PDE4B: variants seen among roughly 807,000 people sequenced by gnomAD.
The protein encoded by PDE4B is 3',5'-cyclic-AMP phosphodiesterase 4B.
PDE4B carries 20 observed loss-of-function variants against 82.2 expected under a neutral mutation model. The ratio of observed to expected loss-of-function variants is 0.24; its 90% CI spans 0.17 to 0.35. The LOEUF is 0.35. Among genes scored for constraint, PDE4B ranks in the 10% least tolerant of loss-of-function variants. The probability of loss-of-function intolerance (pLI) is 1.00; values close to 1 mark genes in which losing one functional copy is unlikely to be tolerated. For synonymous variants in PDE4B, 320 were observed against 318.9 expected (o/e 1.00, Z -0.04); for missense variants, 655 against 907.2 (o/e 0.72, Z 3.57).
Position 65,793,148 on chromosome 1 carries a change from C to T in PDE4B, c.-171C>T, listed in dbSNP as rs1186815218. The T allele has an allele frequency of 6.6e-6, 1 of 152,170 alleles. No individual in the cohort carries two copies. Among genetic ancestry groups the T allele is most frequent in the African/African-American group, 2.4e-5 (1 of 41,454 alleles). The allele number at this position is 152,170 out of a possible 1,614,324, so 9.4% of individuals were successfully genotyped here. Reference sequence around the variant, plus strand: ...GCTCACTCGCAGCGCATGGTCTACCCGCGCCGGGCGGAGCCCCGGCGTCCA... The same window carrying T: ...GCTCACTCGCAGCGCATGGTCTACCTGCGCCGGGCGGAGCCCCGGCGTCCA... On this transcript the variant is annotated 5_prime_UTR_variant, in exon 1 of 17. Coordinates refer to ENST00000341517, the MANE Select transcript of PDE4B (RefSeq NM_002600.4).
intron 7 of PDE4B, among the ~76,000 whole-genome samples, chr1:66,272,504 C>G (rs1034877841): frequency 6.6e-6 from 1 of 152,154 alleles, no homozygotes; most frequent in Non-Finnish European, 1.5e-5. Context: ...CATCTGGAGA[C>G]CCAAATTCAT....
chr1:66,315,393 A>G (rs987526341), intron 7 of PDE4B, among the ~76,000 whole-genome samples: 1 of 152,208 alleles, frequency 6.6e-6, no homozygotes, highest in Non-Finnish European at 1.5e-5. Flanking sequence ...AGGTTAATGC[A>G]TCTAATTTCA....
intron 3 of PDE4B, among the ~76,000 whole-genome samples, chr1:66,140,142 T>C (rs985379291): frequency 2.0e-5 from 3 of 152,150 alleles, no homozygotes; most frequent in Non-Finnish European, 4.4e-5. Context: ...CTGTTCTTGA[T>C]GCTTGTTTTA....
At chr1:66,346,604 T>A (rs1661412995) in intron 8 of PDE4B, among the ~76,000 whole-genome samples, 1 of 152,190 alleles carries the variant, frequency 6.6e-6, no homozygotes, top group Admixed American at 6.5e-5. Flanking sequence ...GAGTAACTCA[T>A]GTGTCACATA....
chr1:66,190,715 G>T (rs890132266), intron 3 of PDE4B, among the ~76,000 whole-genome samples: 23 of 152,156 alleles, frequency 1.5e-4, no homozygotes, highest in African/African-American at 4.8e-4. Flanking sequence ...GGAGTGACCT[G>T]ATTTTCCAGG....
intron 3 of PDE4B, among the ~76,000 whole-genome samples, chr1:66,193,218 A>G (rs1316705466): frequency 6.6e-6 from 1 of 152,142 alleles, no homozygotes; most frequent in East Asian, 1.9e-4. Context: ...TATATTTTGA[A>G]ACTAATTTTT....
intron 3 of PDE4B, among the ~76,000 whole-genome samples, chr1:66,228,345 G>T (rs748819157): frequency 6.6e-6 from 1 of 152,144 alleles, no homozygotes; most frequent in Non-Finnish European, 1.5e-5. Context: ...ATGCATTAGG[G>T]TTGTCTCTAG....
At chr1:66,331,513 G>C (rs894552372) in intron 7 of PDE4B, among the ~76,000 whole-genome samples, 1 of 152,074 alleles carries the variant, frequency 6.6e-6, no homozygotes, top group Non-Finnish European at 1.5e-5. Flanking sequence ...ACATGTTAAG[G>C]ATATGTAAAA....
At chr1:66,092,650 G>A (rs908652324) in intron 3 of PDE4B, among the ~76,000 whole-genome samples, 5 of 152,034 alleles carry the variant, frequency 3.3e-5, no homozygotes, top group African/African-American at 1.2e-4. Context: ...ATTAAGCCAC[G>A]AGTTTAACAA....
chr1:65,860,068 A>G (rs949824049), intron 1 of PDE4B, among the ~76,000 whole-genome samples: 1 of 152,208 alleles, frequency 6.6e-6, no homozygotes, highest in Non-Finnish European at 1.5e-5. Context: ...TCTTGGATAC[A>G]TGTGCAGAAC....
intron 3 of PDE4B, among the ~76,000 whole-genome samples, chr1:66,236,358 A>G (rs1165311340): frequency 6.6e-6 from 1 of 152,142 alleles, no homozygotes; most frequent in African/African-American, 2.4e-5. Context: ...TACATATGTC[A>G]TGAACTTCAC....
At chr1:65,933,567 G>A (rs572785423) in intron 3 of PDE4B, among the ~76,000 whole-genome samples, 27 of 152,062 alleles carry the variant, frequency 1.8e-4, no homozygotes, top group African/African-American at 5.1e-4. Flanking sequence ...GGTGGCAGGC[G>A]CCTATAATCC....
chr1:66,330,981 T>C (rs1660063490), intron 7 of PDE4B: 1 of 156,448 alleles, frequency 6.4e-6, no homozygotes, highest in Non-Finnish European at 1.4e-5. Context: ...TACAGGATAT[T>C]GAATTTAACC....
chr1:66,361,977 G>A (rs1020442254), intron 10 of PDE4B, among the ~76,000 whole-genome samples, 184 bp downstream of exon 10: 1 of 152,152 alleles, frequency 6.6e-6, no homozygotes, highest in African/African-American at 2.4e-5. Context: ...ATTTGAGGAA[G>A]GTTGATTGAA....
At chr1:66,370,798 T>C (rs897321566) in intron 16 of PDE4B, among the ~76,000 whole-genome samples, 1 of 152,082 alleles carries the variant, frequency 6.6e-6, no homozygotes, top group Non-Finnish European at 1.5e-5. Flanking sequence ...CTTGAGCTTG[T>C]TATTTTGGGT....
chr1:66,354,805 T>C (rs1557722474), intron 8 of PDE4B: 1 of 1,535,250 alleles, frequency 6.5e-7, no homozygotes, highest in African/African-American at 1.4e-5. Flanking sequence ...TGTGAATTCT[T>C]TCAAAGGGAT....
At chr1:65,930,234 C>T (rs963597429) in intron 3 of PDE4B, among the ~76,000 whole-genome samples, 7 of 152,198 alleles carry the variant, frequency 4.6e-5, no homozygotes, top group Non-Finnish European at 7.3e-5. Context: ...ATTGTGCCCA[C>T]CAGATTAAGG....
intron 3 of PDE4B, among the ~76,000 whole-genome samples, chr1:66,047,394 G>T (rs1654775453): frequency 6.6e-6 from 1 of 151,836 alleles, no homozygotes; most frequent in Admixed American, 6.6e-5. Flanking sequence ...TAAGGTGGCT[G>T]TTATTGTTGT....
intron 7 of PDE4B, among the ~76,000 whole-genome samples, chr1:66,298,753 G>T (rs555614680): frequency 7.9e-5 from 12 of 152,108 alleles, no homozygotes; most frequent in African/African-American, 2.7e-4. Flanking sequence ...ATTGTGGAGA[G>T]GTTCCATACA....
Sources: gnomAD v4.1 joint callset for allele counts (sites outside exome capture counted in the v4.1 genomes callset) on GRCh38, gnomAD v4.1.1 for gene constraint, MANE v1.5 for transcripts, NCBI Gene and HGNC (gene_info 2026-07-23, HGNC 2026-07-21) for gene names.